The following TTBK2 variants were observed in gnomAD, a reference collection of about 807,000 sequenced individuals.
TTBK2 encodes tau tubulin kinase 2.
A neutral mutation model predicts 110.8 loss-of-function variants in TTBK2; 28 were observed. The ratio of observed to expected loss-of-function variants is 0.25; its 90% CI spans 0.19 to 0.35. The LOEUF (loss-of-function observed/expected upper bound fraction) is 0.35. TTBK2 is among the 10% of genes least tolerant of loss of function. TTBK2 has a pLI of 1.00. For missense variants in TTBK2, 1,369 were observed against 1,500.3 expected, an observed-to-expected ratio of 0.91 and a Z score of 1.45; for synonymous variants, 532 against 527.3, an observed-to-expected ratio of 1.01 and a Z score of -0.12.
intron 3 of TTBK2, among the ~76,000 whole-genome samples, chr15:42,860,106 A>G (rs1420706319): frequency 6.6e-6 from 1 of 152,114 alleles, no homozygotes; most frequent in Non-Finnish European, 1.5e-5. Flanking sequence ...GAACAACTAT[A>G]AAAGACATAA....
chr15:42,766,534 GAA>G (rs1889389758), intron 13 of TTBK2, among the ~76,000 whole-genome samples: 2 of 144,308 alleles, frequency 1.4e-5, no homozygotes, highest in Non-Finnish European at 3.0e-5. Flanking sequence ...AACAGACAAA[GAA>G]GGTCATTACA....
chr15:42,848,102 G>A (rs550454272), intron 3 of TTBK2, among the ~76,000 whole-genome samples: 22 of 152,196 alleles, frequency 1.4e-4, no homozygotes, highest in African/African-American at 4.8e-4. Flanking sequence ...TAAACATGAT[G>A]TTTTGAAGAC....
intron 6 of TTBK2, among the ~76,000 whole-genome samples, chr15:42,821,219 A>C (rs1892281857): frequency 6.6e-6 from 1 of 152,258 alleles, no homozygotes; most frequent in African/African-American, 2.4e-5. Flanking sequence ...AAATTCTGGA[A>C]GAATATATTA....
intron 1 of TTBK2, among the ~76,000 whole-genome samples, chr15:42,907,102 T>A (rs2141203166): frequency 6.6e-6 from 1 of 151,334 alleles, no homozygotes; most frequent in Admixed American, 6.6e-5. Flanking sequence ...GAAATGTAAA[T>A]CAAAACCTCA....
intron 1 of TTBK2, chr15:42,920,004 A>C (rs1032237093): frequency 4.4e-5 from 7 of 158,676 alleles, no homozygotes; most frequent in African/African-American, 1.7e-4. Flanking sequence ...ACAACACAGC[A>C]AACAGATTCA....
chr15:42,916,028 G>C (rs2031070726), intron 1 of TTBK2, among the ~76,000 whole-genome samples: 2 of 152,166 alleles, frequency 1.3e-5, no homozygotes, highest in African/African-American at 4.8e-5. Flanking sequence ...AGAAAAGAGA[G>C]AGAGAGAATG....
intron 13 of TTBK2, among the ~76,000 whole-genome samples, chr15:42,753,478 C>G (rs1336446258): frequency 1.3e-5 from 2 of 152,134 alleles, no homozygotes; most frequent in African/African-American, 4.8e-5. Flanking sequence ...TATCCCTGCC[C>G]CTTCTTTGGT....
At chr15:42,907,921 A>T (rs1261092646) in intron 1 of TTBK2, among the ~76,000 whole-genome samples, 2 of 146,390 alleles carry the variant, frequency 1.4e-5, no homozygotes, top group Admixed American at 6.8e-5. Context: ...AAAAAAAAAA[A>T]TAATAATAAT....
intron 10 of TTBK2, among the ~76,000 whole-genome samples, chr15:42,787,584 CAAAGAG>C (rs1890463329): frequency 6.6e-6 from 1 of 152,122 alleles, no homozygotes; most frequent in African/African-American, 2.4e-5. Context: ...TTATTTCTTA[CAAAGAG>C]AAAAACAGTA....
chr15:42,749,672 C>G (rs1474296446), intron 14 of TTBK2, among the ~76,000 whole-genome samples: 1 of 152,224 alleles, frequency 6.6e-6, no homozygotes, highest in Non-Finnish European at 1.5e-5. Context: ...TGGTTCTCCT[C>G]TGGCTGAAGT....
intron 13 of TTBK2, among the ~76,000 whole-genome samples, chr15:42,764,329 G>C (rs756196098): frequency 6.6e-6 from 1 of 152,222 alleles, no homozygotes; most frequent in Non-Finnish European, 1.5e-5. Flanking sequence ...AGCATAGGGG[G>C]TTGGGGGATT....
intron 1 of TTBK2, among the ~76,000 whole-genome samples, chr15:42,913,455 CG>C (rs1382863798): frequency 6.6e-6 from 1 of 151,742 alleles, no homozygotes; most frequent in Non-Finnish European, 1.5e-5. Flanking sequence ...CTGATTAACA[CG>C]GTGAAACCCC....
At chr15:42,914,522 T>C (rs1480426275) in intron 1 of TTBK2, among the ~76,000 whole-genome samples, 4 of 152,056 alleles carry the variant, frequency 2.6e-5, no homozygotes, top group African/African-American at 7.2e-5. Context: ...AACCATAACA[T>C]AGGAACTCTG....
At chr15:42,882,356 C>T (rs951925469) in intron 1 of TTBK2, among the ~76,000 whole-genome samples, 5 of 151,764 alleles carry the variant, frequency 3.3e-5, no homozygotes, top group African/African-American at 7.3e-5. Flanking sequence ...CCCAGCACTT[C>T]GTAAGGCCAA....
intron 1 of TTBK2, among the ~76,000 whole-genome samples, chr15:42,909,784 G>A (rs532929934): frequency 6.6e-6 from 1 of 152,130 alleles, no homozygotes; most frequent in Non-Finnish European, 1.5e-5. Context: ...GTTAAATGGA[G>A]ATGCAAACAT....
rs368349845 is a variant in TTBK2 at position 42,901,764 on chromosome 15, T to C, written c.-68+18674A>G. On this transcript the variant is annotated intron_variant, in intron 1 of 14. Transcript: ENST00000267890. ...ATAAGGGATTAACATCTAGAGTACA[T>C]AAAGAACTCCTAAAACTCAATCAAC... is the stretch of plus-strand genomic sequence containing the variant. Among the ~76,000 whole-genome samples the C allele has an allele frequency of 2.4e-4, 37 of 152,110 alleles. No individual in the cohort carries two copies. The East Asian group carries it at 6.8e-3, about 28-fold the overall frequency.
At chr15:42,838,930 C>T (rs114663445) in intron 4 of TTBK2, among the ~76,000 whole-genome samples, 3,266 of 152,172 alleles carry the variant, frequency 0.021, 111 homozygotes, top group African/African-American at 0.069. Flanking sequence ...ACAAGACTTG[C>T]TATGGTTTTT....
intron 3 of TTBK2, among the ~76,000 whole-genome samples, chr15:42,847,536 A>G (rs1893517109): frequency 6.6e-6 from 1 of 152,222 alleles, no homozygotes; most frequent in Non-Finnish European, 1.5e-5. Context: ...GTTTTCTTCT[A>G]AAAGTTACAC....
intron 13 of TTBK2, among the ~76,000 whole-genome samples, chr15:42,774,341 C>T (rs1458593891): frequency 6.6e-6 from 1 of 152,106 alleles, no homozygotes; most frequent in African/African-American, 2.4e-5. Flanking sequence ...ACTTATTTAG[C>T]CTGGGGGCTT....
Sources: allele counts gnomAD v4.1 joint callset (sites outside exome capture counted in the v4.1 genomes callset), GRCh38; gene constraint gnomAD v4.1.1; transcripts MANE v1.5; gene names NCBI Gene and HGNC (gene_info 2026-07-23, HGNC 2026-07-21).